CSMD1: variants seen among roughly 807,000 people sequenced by gnomAD.
CSMD1 encodes CUB and sushi domain-containing protein 1.
Under a neutral mutation model 417.5 loss-of-function variants are expected in CSMD1, and 213 were observed. The observed-to-expected ratio is 0.51, with a 90% CI of 0.46 to 0.57. The LOEUF (loss-of-function observed/expected upper bound fraction) is 0.57. Ranked by LOEUF, CSMD1 falls within the 20% of genes least tolerant of loss-of-function variation. CSMD1 has a pLI of 0.00. For missense variants in CSMD1, 6,923 were observed against 4,529.7 expected (o/e 1.53, Z -15.17); for synonymous variants, 2,862 against 1,736.8 (o/e 1.65, Z -16.11).
At chr8:4,092,735 T>G (rs1477956142) in intron 3 of CSMD1, among the ~76,000 whole-genome samples, 2 of 152,160 alleles carry the variant, frequency 1.3e-5, no homozygotes, top group East Asian at 3.9e-4. Flanking sequence ...CTTTTTAACT[T>G]CCACATTTTC....
chr8:3,894,028 A>G (rs916111915), intron 5 of CSMD1, among the ~76,000 whole-genome samples: 1 of 151,806 alleles, frequency 6.6e-6, no homozygotes, highest in African/African-American at 2.4e-5. Flanking sequence ...CCATAAAGGG[A>G]GTCTCCATAG....
chr8:4,972,543 C>A (rs1810304742), intron 1 of CSMD1, among the ~76,000 whole-genome samples: 1 of 152,108 alleles, frequency 6.6e-6, no homozygotes, highest in Non-Finnish European at 1.5e-5. Context: ...CTGAAGCCTC[C>A]CAGCCATGGG....
chr8:3,033,261 C>CATTG (rs1400682624), intron 50 of CSMD1, among the ~76,000 whole-genome samples: 1 of 151,814 alleles, frequency 6.6e-6, no homozygotes, highest in Non-Finnish European at 1.5e-5. Context: ...ATTAATATAC[C>CATTG]ATTGATTGAA....
At chr8:3,492,054 A>G (rs1175385045) in intron 11 of CSMD1, among the ~76,000 whole-genome samples, 1 of 152,202 alleles carries the variant, frequency 6.6e-6, no homozygotes, top group Non-Finnish European at 1.5e-5. Flanking sequence ...TTAATCAGTG[A>G]AGGAGAACTT....
At chr8:4,349,048 T>G (rs893496624) in intron 3 of CSMD1, among the ~76,000 whole-genome samples, 4 of 152,204 alleles carry the variant, frequency 2.6e-5, no homozygotes, top group Admixed American at 6.5e-5. Flanking sequence ...TCTTGCTAAT[T>G]TAGTTAGAAA....
chr8:3,110,082 T>C, intron 43 of CSMD1, 76 bp downstream of exon 43: 21 of 1,214,326 alleles, frequency 1.7e-5, no homozygotes, highest in Non-Finnish European at 1.9e-5. Context: ...GTGCCTTGTA[T>C]ATAAGTGGCA....
At chr8:4,396,935 C>G (rs942030359) in intron 3 of CSMD1, among the ~76,000 whole-genome samples, 2 of 152,050 alleles carry the variant, frequency 1.3e-5, no homozygotes, top group African/African-American at 2.4e-5. Context: ...ACAAGGTACA[C>G]TGCCTGGGTG....
intron 26 of CSMD1, among the ~76,000 whole-genome samples, chr8:3,274,421 A>G (rs1198713583): frequency 6.6e-6 from 1 of 151,912 alleles, no homozygotes; most frequent in Non-Finnish European, 1.5e-5. Context: ...TGGGGTGGAG[A>G]GTTCTGTAGA....
intron 65 of CSMD1, among the ~76,000 whole-genome samples, chr8:2,951,493 C>T (rs992989806): frequency 5.9e-5 from 9 of 152,174 alleles, no homozygotes; most frequent in African/African-American, 2.2e-4. Flanking sequence ...GACACTTGTG[C>T]TTATGGGTTT....
chr8:3,497,849 T>C (rs149908728), intron 10 of CSMD1, among the ~76,000 whole-genome samples: 99 of 152,362 alleles, frequency 6.5e-4, no homozygotes, highest in Non-Finnish European at 1.2e-3. Context: ...TGTAGTGATA[T>C]GGTTTTACTT....
intron 3 of CSMD1, among the ~76,000 whole-genome samples, chr8:4,040,425 C>T (rs2130629766): frequency 6.6e-6 from 1 of 152,268 alleles, no homozygotes; most frequent in Non-Finnish European, 1.5e-5. Flanking sequence ...GGACAGGTAA[C>T]TGTTAAGAAC....
intron 5 of CSMD1, among the ~76,000 whole-genome samples, chr8:3,807,808 G>A (rs1344895756): frequency 1.3e-5 from 2 of 152,130 alleles, no homozygotes; most frequent in Non-Finnish European, 1.5e-5. Context: ...CAGATGCACA[G>A]ACCCTCACTG....
At chr8:4,359,857 T>C (rs550970079) in intron 3 of CSMD1, among the ~76,000 whole-genome samples, 1 of 152,342 alleles carries the variant, frequency 6.6e-6, no homozygotes, top group African/African-American at 2.4e-5. Flanking sequence ...TCAGTGCAAG[T>C]CCAGAGACAA....
At chr8:4,543,709 A>G (rs1314349154) in intron 2 of CSMD1, among the ~76,000 whole-genome samples, 1 of 148,866 alleles carries the variant, frequency 6.7e-6, no homozygotes, top group African/African-American at 2.5e-5. Flanking sequence ...AACCCACACC[A>G]AAGTGTCTTC....
intron 3 of CSMD1, among the ~76,000 whole-genome samples, chr8:4,349,824 T>TC (rs1563081450): frequency 7.8e-6 from 1 of 127,408 alleles, no homozygotes; most frequent in East Asian, 2.4e-4. Flanking sequence ...TATGACCTTT[T>TC]TTTTTTTTTT....
chr8:3,072,275 C>G (rs902569162), intron 49 of CSMD1, among the ~76,000 whole-genome samples: 1 of 152,090 alleles, frequency 6.6e-6, no homozygotes, highest in Non-Finnish European at 1.5e-5. Context: ...TTAAGCTGAC[C>G]AAACTAGGAG....
At chr8:3,456,481 A>G (rs542427037) in intron 12 of CSMD1, among the ~76,000 whole-genome samples, 27 of 152,338 alleles carry the variant, frequency 1.8e-4, no homozygotes, top group African/African-American at 5.0e-4. Flanking sequence ...TAGAAAATGC[A>G]TAACACTGAA....
At chr8:4,097,134 C>T (rs1366094457) in intron 3 of CSMD1, among the ~76,000 whole-genome samples, 7 of 152,124 alleles carry the variant, frequency 4.6e-5, no homozygotes, top group Admixed American at 1.3e-4. Context: ...TGAGCTGCAA[C>T]GAGCTGTTCA....
At chr8:3,367,502 T>C (rs1163729239) in intron 19 of CSMD1, among the ~76,000 whole-genome samples, 2 of 151,910 alleles carry the variant, frequency 1.3e-5, no homozygotes, top group Admixed American at 1.3e-4. Context: ...GAGGTAACAA[T>C]TGCTGAAAAA....
Sources: gnomAD v4.1 joint callset for allele counts (sites outside exome capture counted in the v4.1 genomes callset) on GRCh38, gnomAD v4.1.1 for gene constraint, MANE v1.5 for transcripts, NCBI Gene and HGNC (gene_info 2026-07-23, HGNC 2026-07-21) for gene names.